The following PPP2R2C variants were observed in gnomAD, a reference collection of about 807,000 sequenced individuals.
PPP2R2C encodes the protein protein phosphatase 2 regulatory subunit Bgamma, also known as protein phosphatase 2, regulatory subunit B, gamma.
In PPP2R2C, 10 loss-of-function variants were observed where a neutral mutation model predicts 45.3. The ratio of observed to expected loss-of-function variants is 0.22; its 90% CI spans 0.14 to 0.37. PPP2R2C has a LOEUF of 0.37. PPP2R2C is among the 10% of genes least tolerant of loss of function. The pLI, the probability that PPP2R2C is intolerant of heterozygous loss-of-function variation, is 1.00. For missense variants in PPP2R2C, 308 were observed against 619.7 expected, an observed-to-expected ratio of 0.50 and a Z score of 5.34; for synonymous variants, 257 against 245.4, an observed-to-expected ratio of 1.05 and a Z score of -0.44.
intron 1 of PPP2R2C, among the ~76,000 whole-genome samples, chr4:6,446,524 G>C (rs1246768010): frequency 1.2e-4 from 18 of 152,168 alleles, no homozygotes; most frequent in Admixed American, 1.2e-3. Flanking sequence ...CTCTTCTCAA[G>C]GTGGCATAAA....
At chr4:6,473,018 G>A (rs1413355801), upstream of PPP2R2C, among the ~76,000 whole-genome samples, 1 of 152,082 alleles carries the variant, frequency 6.6e-6, no homozygotes, top group African/African-American at 2.4e-5. Context: ...GGGAGGGGAA[G>A]GACACTGTCT....
chr4:6,546,588 T>A (rs1724994298), intron 1 of PPP2R2C, among the ~76,000 whole-genome samples: 1 of 152,192 alleles, frequency 6.6e-6, no homozygotes, highest in South Asian at 2.1e-4. Flanking sequence ...TCACTAAGCA[T>A]CTCAGCCGTC....
intron 1 of PPP2R2C, among the ~76,000 whole-genome samples, chr4:6,551,495 A>G (rs762142059): frequency 1.5e-4 from 23 of 152,214 alleles, no homozygotes; most frequent in Admixed American, 9.2e-4. Context: ...GATGAGGTCT[A>G]TGCCTCCTCC....
At chr4:6,477,455 G>A (rs147843267), upstream of PPP2R2C, among the ~76,000 whole-genome samples, 331 of 152,236 alleles carry the variant, frequency 2.2e-3, no homozygotes, top group Middle Eastern at 0.031. Context: ...GGCTGGGCAC[G>A]GTGCCTCACG....
At chr4:6,513,270 C>T (rs533041595) in intron 2 of PPP2R2C, among the ~76,000 whole-genome samples, 20 of 152,280 alleles carry the variant, frequency 1.3e-4, no homozygotes, top group Non-Finnish European at 2.6e-4. Flanking sequence ...GGTTTTCCAT[C>T]CAGTTTAACA....
chr4:6,521,819 TG>T (rs1261398639), intron 2 of PPP2R2C, among the ~76,000 whole-genome samples: 1 of 152,168 alleles, frequency 6.6e-6, no homozygotes, highest in Non-Finnish European at 1.5e-5. Flanking sequence ...GAGGAATTAT[TG>T]CTACCCTCAT....
intron 1 of PPP2R2C, chr4:6,382,432 C>G: frequency 7.4e-7 from 1 of 1,352,068 alleles, no homozygotes; most frequent in Non-Finnish European, 9.8e-7. Context: ...TCTGTTCTCC[C>G]TCTGGCGGCC....
chr4:6,369,585 C>T (rs1438890200), intron 5 of PPP2R2C, among the ~76,000 whole-genome samples: 1 of 152,174 alleles, frequency 6.6e-6, no homozygotes, highest in African/African-American at 2.4e-5. Flanking sequence ...GCATTCGGGG[C>T]CCCTACCCCA....
intron 1 of PPP2R2C, among the ~76,000 whole-genome samples, chr4:6,535,762 C>T (rs567024189): frequency 6.6e-6 from 1 of 152,186 alleles, no homozygotes; most frequent in Non-Finnish European, 1.5e-5. Context: ...AAACATGGAA[C>T]TAGAAGCCCC....
In PPP2R2C at chr4:6,368,421, T is replaced by C. The variant is rs1411936670; in HGVS notation, c.625+4102A>G. ...TCCACTCCTGGAGGCAGAATCTTTA[T>C]CTAGTTCCAGCATCACCCAAGAGGG... On this transcript the variant is annotated intron_variant, in intron 5 of 8. Coordinates refer to ENST00000382599, the MANE Select transcript of PPP2R2C (RefSeq NM_020416.4). The surrounding 1 kb of genome is among the most constrained non-coding windows in gnomAD (Gnocchi z 4.2). 3.3e-5 allele frequency among the ~76,000 whole-genome samples: 5 copies of C among 152,146 alleles called. No individual in the cohort carries two copies. Among genetic ancestry groups the C allele is most frequent in the African/African-American group, 1.2e-4 (5 of 41,432 alleles).
chr4:6,375,000 G>A lies in PPP2R2C; in HGVS notation c.447+819C>T, dbSNP rs569216644. On this transcript the variant is annotated intron_variant, in intron 4 of 8. Transcript: ENST00000382599. ...TGACTTACAGAGAAAAATCTCCAAC[G>A]CTGGGAGGGACATAAACAGGATTTT... Among the ~76,000 whole-genome samples the A allele has an allele frequency of 1.1e-4, 16 of 152,216 alleles. No homozygotes were observed. In the South Asian group the frequency reaches 3.1e-3, roughly 30 times the overall value.
At chr4:6,464,888 C>G (rs73207843) in intron 1 of PPP2R2C, among the ~76,000 whole-genome samples, 12,711 of 117,582 alleles carry the variant, frequency 0.11, 729 homozygotes, top group Middle Eastern at 0.15. Context: ...GGGGGAGAGA[C>G]AGAGAGAGAG....
upstream of PPP2R2C, among the ~76,000 whole-genome samples, chr4:6,477,530 T>G (rs1039921297): frequency 6.6e-6 from 1 of 151,682 alleles, no homozygotes; most frequent in Non-Finnish European, 1.5e-5. Context: ...ATCAAGACCA[T>G]CCTGGCTAAC....
intron 1 of PPP2R2C, among the ~76,000 whole-genome samples, chr4:6,464,490 A>G (rs531803446): frequency 1.3e-5 from 2 of 152,342 alleles, no homozygotes; most frequent in African/African-American, 4.8e-5. Flanking sequence ...TCAACTTTGT[A>G]TGTCTAGAAT....
In PPP2R2C at chr4:6,331,876, C is replaced by T. The variant is rs531212078; in HGVS notation, c.960+1686G>A. Among the ~76,000 whole-genome samples the T allele has an allele frequency of 2.6e-5, 4 of 152,302 alleles. No individual in the cohort carries two copies. Among genetic ancestry groups the T allele is most frequent in the East Asian group, 1.9e-4 (1 of 5,178 alleles). On this transcript the variant is annotated intron_variant, in intron 7 of 8. Coordinates refer to ENST00000382599, the MANE Select transcript of PPP2R2C (RefSeq NM_020416.4). This position sits in a 1 kb window ranked among gnomAD's most constrained non-coding sequence, Gnocchi z 5.9. Reference sequence around the variant, plus strand: ...GATTTGTTAAGCACCGCACACCAGCCGAACGCAGTCCTGCTACACACAATT... The same window carrying T: ...GATTTGTTAAGCACCGCACACCAGCTGAACGCAGTCCTGCTACACACAATT...
At chr4:6,385,309 T>C (rs16838703) in intron 1 of PPP2R2C, among the ~76,000 whole-genome samples, 3,541 of 152,298 alleles carry the variant, frequency 0.023, 127 homozygotes, top group African/African-American at 0.073. Context: ...GGATGTTTAA[T>C]GTCTACTCAT....
chr4:6,464,100 C>T (rs1443754530), intron 1 of PPP2R2C, among the ~76,000 whole-genome samples: 1 of 152,200 alleles, frequency 6.6e-6, no homozygotes, highest in Non-Finnish European at 1.5e-5. Context: ...CCTCAGTTTT[C>T]TCCTCTGTAA....
At chr4:6,512,240 G>T (rs796074613) in intron 2 of PPP2R2C, among the ~76,000 whole-genome samples, 492 of 10,920 alleles carry the variant, frequency 0.045, 6 homozygotes, top group Middle Eastern at 0.1. Context: ...GTGATGGTGG[G>T]GGTGGTGGTG....
chr4:6,362,878 C>T (rs1713921570), intron 5 of PPP2R2C, among the ~76,000 whole-genome samples: 1 of 53,554 alleles, frequency 1.9e-5, no homozygotes, highest in Admixed American at 2.5e-4. Context: ...CCCCTTTCCC[C>T]TGCACCCCCT....
Sources: gnomAD v4.1 joint callset for allele counts (sites outside exome capture counted in the v4.1 genomes callset) on GRCh38, gnomAD v4.1.1 for gene constraint, Gnocchi (gnomAD v3.1) non-coding constraint, MANE v1.5 for transcripts, NCBI Gene and HGNC (gene_info 2026-07-23, HGNC 2026-07-21) for gene names.